Variants in THBS4 observed in about 807,000 individuals in gnomAD.
THBS4 encodes thrombospondin-4.
A neutral mutation model predicts 115.7 loss-of-function variants in THBS4; 90 were observed. That is an observed-to-expected ratio of 0.78 (90% confidence interval 0.66 to 0.93). The LOEUF is 0.93. THBS4 is among the 40% of genes least tolerant of loss of function. The pLI, the probability that THBS4 is intolerant of heterozygous loss-of-function variation, is 0.00. For missense variants in THBS4, 1,087 were observed against 1,232.7 expected (o/e 0.88, Z 1.77); for synonymous variants, 460 against 479.3 (o/e 0.96, Z 0.53).
chr5:80,070,185 A>T, intron 10 of THBS4, 121 bp from the exon 11 acceptor site: 1 of 721,886 alleles, frequency 1.4e-6, no homozygotes, highest in Non-Finnish European at 2.3e-6. Flanking sequence ...CCACCCAACA[A>T]GGCTGAGTGA....
rs561493548 is a variant in THBS4 at position 80,066,567 on chromosome 5, C to G, written c.1194+1090C>G. 2.0e-5 allele frequency: 3 copies of G among 152,292 alleles called. No individual in the cohort carries two copies. The East Asian group carries it at 5.8e-4, about 29-fold the overall frequency. 9.4% of individuals were successfully genotyped at this position (152,292 alleles called of 1,614,324 possible). On this transcript the variant is annotated intron_variant, in intron 9 of 21. Transcript: ENST00000350881. Reference sequence around the variant, plus strand: ...AGGCTACAGTGAGCTGTGATCGCCACTGCACTCTAACCTGGGTGACAGAGG... The same window carrying G: ...AGGCTACAGTGAGCTGTGATCGCCAGTGCACTCTAACCTGGGTGACAGAGG...
intron 2 of THBS4, among the ~76,000 whole-genome samples, chr5:80,024,199 T>G (rs933204085): frequency 2.6e-5 from 4 of 152,204 alleles, no homozygotes; most frequent in Admixed American, 2.6e-4. Context: ...ATCTTCATCT[T>G]ATGAATGACC....
At chr5:80,033,079 TG>T, upstream of THBS4, 1 of 195,656 alleles carries the variant, frequency 5.1e-6, no homozygotes, top group South Asian at 1.1e-4. Context: ...GGTCAAGGGT[TG>T]GGGACACACA....
Position 80,024,844 on chromosome 5 carries a change from A to G in THBS4, n.178-15233A>G, listed in dbSNP as rs201748751. Among the ~76,000 whole-genome samples the G allele has an allele frequency of 1.1e-4, 16 of 152,336 alleles. No homozygotes were observed. In the East Asian group the frequency reaches 2.9e-3, roughly 28 times the overall value. On this transcript the variant is annotated intron_variant and non_coding_transcript_variant, in intron 2 of 3. Coordinates refer to the THBS4 transcript ENST00000510218. ...TAGTGTGCCCCAGAAGCAAAGTTTT[A>G]TGCATTGATTAGACATTCACTCTCC...
Position 80,078,966 on chromosome 5 carries a change from G to T in THBS4, c.2311G>T (p.Val771Leu), listed in dbSNP as rs778933375. The T allele has an allele frequency of 6.2e-7, 1 of 1,614,166 alleles. No individual in the cohort carries two copies. Among genetic ancestry groups the T allele is most frequent in the East Asian group, 2.2e-5 (1 of 44,884 alleles). The change falls in exon 18 of 22, where the codon GTG becomes TTG. Residue 771 changes from valine to leucine, a missense_variant. Coordinates refer to ENST00000350881, the MANE Select transcript of THBS4 (RefSeq NM_003248.6). ...QTMNSDPGLA[V>L]GYTAFNGVDF... ...CATGAACAGTGATCCTGGCCTGGCAGTGGGTATGTCCAGGGCCTCAGTTGC... is the reference window on the plus strand; with the variant it reads ...CATGAACAGTGATCCTGGCCTGGCATTGGGTATGTCCAGGGCCTCAGTTGC...
chr5:80,059,619 GTT>G, intron 6 of THBS4, 82 bp from the exon 7 acceptor site: 1 of 1,597,656 alleles, frequency 6.3e-7, no homozygotes, highest in East Asian at 2.2e-5. Flanking sequence ...GGGAGGAAAA[GTT>G]CAATAGGAAA....
Position 80,079,938 on chromosome 5 carries a change from C to T in THBS4, c.2545C>T (p.Leu849Phe), listed in dbSNP as rs919876522. 16 of 1,613,998 alleles carry T rather than the reference C, an allele frequency of 9.9e-6. No individual in the cohort carries two copies. The highest frequency in any genetic ancestry group is 1.3e-5 in the Non-Finnish European group (15 of 1,180,020). ...GTCTAAGACAGGTCCAGGGGAGCATCTCCGGAACTCCCTGTGGCACACGGG... is the reference window on the plus strand; with the variant it reads ...GTCTAAGACAGGTCCAGGGGAGCATTTCCGGAACTCCCTGTGGCACACGGG... ...VKSKTGPGEH[L>F]RNSLWHTGDT... Residue 849 changes from leucine to phenylalanine, a missense_variant, in exon 20 of 22, where the codon CTC becomes TTC. Leu to Phe is a conservative substitution (Grantham distance 22). Coordinates refer to ENST00000350881, the MANE Select transcript of THBS4 (RefSeq NM_003248.6).
In THBS4 at chr5:80,055,841, C is replaced by T; in HGVS notation, c.349C>T (p.Leu117=). The change falls in exon 3 of 22, where the codon CTG becomes TTG. Residue 117 remains leucine (L), a synonymous_variant. Transcript: ENST00000350881. ...GKVHLVVFNN[L]QLADGRRHRI... is the part of the protein sequence containing the mutation. ...GGTGCATTTGGTGGTTTTCAACAAC[C>T]TGCAGCTGGCAGACGGAAGGCGGCA... 6.2e-7 allele frequency: 1 copy of T among 1,614,180 alleles called. No individual in the cohort carries two copies. The highest frequency in any genetic ancestry group is 8.5e-7 in the Non-Finnish European group (1 of 1,180,010).
At chr5:80,036,074 A>C in intron 1 of THBS4, 2 of 989,022 alleles carry the variant, frequency 2.0e-6, no homozygotes, top group Non-Finnish European at 2.4e-6. Context: ...AAAGACGCAG[A>C]ATTACTCTAC....
intron 2 of THBS4, among the ~76,000 whole-genome samples, chr5:80,002,931 A>C (rs189165582): frequency 5.3e-5 from 8 of 152,052 alleles, no homozygotes; most frequent in Admixed American, 2.6e-4. Context: ...TTGAAAAAAA[A>C]AAAAACAAAA....
intron 10 of THBS4, chr5:80,068,816 G>T (rs1754577962): frequency 6.5e-6 from 1 of 152,758 alleles, no homozygotes; most frequent in Non-Finnish European, 1.5e-5. Context: ...CCTGACATGG[G>T]TCCCATGCTG....
At chr5:79,997,662 A>G (rs1240334006) in intron 1 of THBS4, among the ~76,000 whole-genome samples, 1 of 152,240 alleles carries the variant, frequency 6.6e-6, no homozygotes, top group Non-Finnish European at 1.5e-5. Context: ...TCTAATAGAC[A>G]TTTATGGAAT....
At chr5:80,012,038 T>A (rs1040449581) in intron 2 of THBS4, among the ~76,000 whole-genome samples, 3 of 152,144 alleles carry the variant, frequency 2.0e-5, no homozygotes, top group African/African-American at 7.2e-5. Context: ...ATTACCTGAA[T>A]GACAGAATAT....
intron 2 of THBS4, among the ~76,000 whole-genome samples, chr5:80,047,989 C>T (rs1833129472): frequency 6.6e-6 from 1 of 152,034 alleles, no homozygotes; most frequent in Non-Finnish European, 1.5e-5. Flanking sequence ...CTGGTACATG[C>T]CTGTAGTTCC....
At chr5:80,027,442 C>T (rs1318820998) in intron 2 of THBS4, among the ~76,000 whole-genome samples, 1 of 152,188 alleles carries the variant, frequency 6.6e-6, no homozygotes, top group African/African-American at 2.4e-5. Flanking sequence ...AAAGCACCTC[C>T]ACAGCTCTCT....
chr5:80,031,921 T>C (rs751751037), upstream of THBS4, among the ~76,000 whole-genome samples: 1 of 152,158 alleles, frequency 6.6e-6, no homozygotes, highest in African/African-American at 2.4e-5. Flanking sequence ...GATTACAGTA[T>C]TAAGAGAAGG....
At chr5:80,019,041 G>GTTTTTTTTTTTTTTTTTTTTT (rs537532061) in intron 2 of THBS4, among the ~76,000 whole-genome samples, 1 of 135,012 alleles carries the variant, frequency 7.4e-6, no homozygotes, top group Non-Finnish European at 1.6e-5. Flanking sequence ...CTCTGTGATT[G>GTTTTTTTTTTTTTTTTTTTTT]TTTTTTTTTT....
intron 2 of THBS4, among the ~76,000 whole-genome samples, chr5:80,023,818 G>A (rs1175067756): frequency 6.6e-6 from 1 of 152,124 alleles, no homozygotes; most frequent in African/African-American, 2.4e-5. Context: ...ATCACATGGT[G>A]GGAGGGGAAG....
At chr5:80,077,470 C>A (rs1388448345) in intron 16 of THBS4, among the ~76,000 whole-genome samples, 1 of 152,196 alleles carries the variant, frequency 6.6e-6, no homozygotes, top group African/African-American at 2.4e-5. Flanking sequence ...CAGATGCCTG[C>A]AGGTGCCAGG....
Sources: gnomAD v4.1 joint callset for allele counts (sites outside exome capture counted in the v4.1 genomes callset) on GRCh38, gnomAD v4.1.1 for gene constraint, MANE v1.5 for transcripts, NCBI Gene and HGNC (gene_info 2026-07-23, HGNC 2026-07-21) for gene names.